EPHA5: variants seen among roughly 807,000 people sequenced by gnomAD.
The protein encoded by EPHA5 is EPH receptor A5, also known as ephrin type-A receptor 5.
EPHA5 carries 60 observed loss-of-function variants against 105.0 expected under a neutral mutation model. The ratio of observed to expected loss-of-function variants is 0.57; its 90% CI spans 0.46 to 0.71. The LOEUF (loss-of-function observed/expected upper bound fraction) is 0.71, where lower values mean the gene tolerates loss of function less well. Among genes scored for constraint, EPHA5 ranks in the 30% least tolerant of loss-of-function variants. The probability of loss-of-function intolerance (pLI) is 0.00; values close to 1 mark genes in which losing one functional copy is unlikely to be tolerated. For synonymous variants in EPHA5, 513 were observed against 449.1 expected (o/e 1.14, Z -1.80); for missense variants, 1,218 against 1,274.7 (o/e 0.96, Z 0.68).
At chr4:65,326,477 T>A (rs910752405) in intron 16 of EPHA5, among the ~76,000 whole-genome samples, 12 of 151,430 alleles carry the variant, frequency 7.9e-5, no homozygotes, top group African/African-American at 2.9e-4. Context: ...ACACATACTT[T>A]GCCTGAGGCT....
At chr4:65,551,478 G>A (rs889107736) in intron 3 of EPHA5, among the ~76,000 whole-genome samples, 1 of 151,906 alleles carries the variant, frequency 6.6e-6, no homozygotes, top group African/African-American at 2.4e-5. Flanking sequence ...AATATTGTAG[G>A]AAAAAGAACA....
chr4:65,657,137 T>G (rs1275489473), intron 1 of EPHA5, among the ~76,000 whole-genome samples: 2 of 152,156 alleles, frequency 1.3e-5, no homozygotes, highest in Non-Finnish European at 2.9e-5. Flanking sequence ...ATATTAAGAA[T>G]TCTTGCCAGC....
chr4:65,579,514 C>T (rs1453791870), intron 3 of EPHA5, among the ~76,000 whole-genome samples: 1 of 151,150 alleles, frequency 6.6e-6, no homozygotes, highest in Non-Finnish European at 1.5e-5. Context: ...GAACGTTTTG[C>T]TATATGTAAT....
intron 16 of EPHA5, among the ~76,000 whole-genome samples, chr4:65,325,604 A>T (rs1720002153): frequency 6.6e-6 from 1 of 151,364 alleles, no homozygotes; most frequent in African/African-American, 2.4e-5. Flanking sequence ...CGGTAGAGAG[A>T]GCATGGAAGA....
chr4:65,539,064 C>A (rs969029882), intron 3 of EPHA5, among the ~76,000 whole-genome samples: 8 of 151,658 alleles, frequency 5.3e-5, no homozygotes, highest in Non-Finnish European at 8.9e-5. Flanking sequence ...GAGCAGCCTG[C>A]ACCCTATCTA....
intron 3 of EPHA5, among the ~76,000 whole-genome samples, chr4:65,528,984 C>T (rs1458762187): frequency 6.6e-6 from 1 of 152,068 alleles, no homozygotes; most frequent in Admixed American, 6.6e-5. Flanking sequence ...AAGTCATGGT[C>T]TAGGAAAGCA....
chr4:65,329,210 A>G (rs181147510), intron 16 of EPHA5, among the ~76,000 whole-genome samples: 1 of 151,508 alleles, frequency 6.6e-6, no homozygotes, highest in Admixed American at 6.6e-5. Context: ...TTACTGCCAC[A>G]ATTGTTTTCA....
At chr4:65,530,898 T>C (rs1735704437) in intron 3 of EPHA5, among the ~76,000 whole-genome samples, 2 of 152,178 alleles carry the variant, frequency 1.3e-5, no homozygotes, top group Non-Finnish European at 2.9e-5. Context: ...CCTTGCAGAA[T>C]AGAGGTGGAG....
At chr4:65,346,440 T>G (rs1009676169) in intron 14 of EPHA5, among the ~76,000 whole-genome samples, 1 of 150,104 alleles carries the variant, frequency 6.7e-6, no homozygotes, top group Admixed American at 6.6e-5. Flanking sequence ...TAATCAAAAT[T>G]TTTCTTCTAT....
intron 5 of EPHA5, among the ~76,000 whole-genome samples, chr4:65,459,589 T>C (rs1727936172): frequency 6.6e-6 from 1 of 151,882 alleles, no homozygotes; most frequent in Admixed American, 6.6e-5. Context: ...GCATGATTAC[T>C]GTCAATTTTT....
At chr4:65,386,605 T>G (rs186434083) in intron 8 of EPHA5, among the ~76,000 whole-genome samples, 123 of 151,988 alleles carry the variant, frequency 8.1e-4, no homozygotes, top group African/African-American at 2.8e-3. Flanking sequence ...GAGCAAAACA[T>G]TCATGACAAA....
chr4:65,405,079 C>G (rs1453159393), intron 7 of EPHA5, among the ~76,000 whole-genome samples: 1 of 151,930 alleles, frequency 6.6e-6, no homozygotes, highest in African/African-American at 2.4e-5. Context: ...TGAAGGTAAA[C>G]ATTTAGAAGT....
At chr4:65,511,837 C>G (rs1452714488) in intron 3 of EPHA5, among the ~76,000 whole-genome samples, 2 of 152,052 alleles carry the variant, frequency 1.3e-5, no homozygotes. Context: ...TAATTTATTT[C>G]CAAATCCTAG....
chr4:65,447,563 G>T (rs1726669913), intron 5 of EPHA5, among the ~76,000 whole-genome samples: 1 of 151,332 alleles, frequency 6.6e-6, no homozygotes, highest in South Asian at 2.1e-4. Context: ...AGCAAAAATT[G>T]ACAAAAACTG....
chr4:65,540,996 GA>G (rs1560670586), intron 3 of EPHA5, among the ~76,000 whole-genome samples: 1 of 150,606 alleles, frequency 6.6e-6, no homozygotes, highest in African/African-American at 2.4e-5. Flanking sequence ...TGACAATGAT[GA>G]AAATACAACC....
chr4:65,466,066 A>G (rs1728688989), intron 5 of EPHA5, among the ~76,000 whole-genome samples: 1 of 152,228 alleles, frequency 6.6e-6, no homozygotes, highest in African/African-American at 2.4e-5. Context: ...TGACAAGAAT[A>G]TCGTTAAATG....
chr4:65,495,588 C>A (rs889435159), intron 3 of EPHA5, 45 bp from the exon 4 acceptor site: 14 of 1,526,698 alleles, frequency 9.2e-6, no homozygotes, highest in Admixed American at 1.9e-5. Flanking sequence ...GGAACAGATG[C>A]AGTGTTTGTT....
chr4:65,569,151 A>T (rs1739862672), intron 3 of EPHA5, among the ~76,000 whole-genome samples: 2 of 151,562 alleles, frequency 1.3e-5, no homozygotes, highest in Non-Finnish European at 3.0e-5. Context: ...CAATATTAAA[A>T]GACACAAAAA....
At chr4:65,501,618 T>C (rs1263594203) in intron 3 of EPHA5, among the ~76,000 whole-genome samples, 3 of 151,628 alleles carry the variant, frequency 2.0e-5, no homozygotes, top group Non-Finnish European at 3.0e-5. Context: ...CACAAACAAA[T>C]GGAAAAACAT....
Sources: allele counts gnomAD v4.1 joint callset (sites outside exome capture counted in the v4.1 genomes callset), GRCh38; gene constraint gnomAD v4.1.1; transcripts MANE v1.5; gene names NCBI Gene and HGNC (gene_info 2026-07-23, HGNC 2026-07-21).